Variants in MNAT1 observed in about 807,000 individuals in gnomAD.
MNAT1 encodes CDK-activating kinase assembly factor MAT1.
In MNAT1, 43 loss-of-function variants were observed where a neutral mutation model predicts 42.0. The ratio of observed to expected loss-of-function variants is 1.02; its 90% CI spans 0.80 to 1.32. The LOEUF (loss-of-function observed/expected upper bound fraction) is 1.32. MNAT1 is among the 40% of genes most tolerant of loss of function. MNAT1 has a pLI of 0.00. For missense variants in MNAT1, 306 were observed against 350.4 expected, an observed-to-expected ratio of 0.87 and a Z score of 1.01; for synonymous variants, 118 against 120.0, an observed-to-expected ratio of 0.98 and a Z score of 0.11.
chr14:60,852,362 A>G (rs2033846158), intron 6 of MNAT1, among the ~76,000 whole-genome samples: 1 of 151,564 alleles, frequency 6.6e-6, no homozygotes. Context: ...TCCTTTGCCC[A>G]CTTTTTGATG....
intron 5 of MNAT1, among the ~76,000 whole-genome samples, chr14:60,815,839 T>G (rs10131264): frequency 0.93 from 141,422 of 152,212 alleles, 66,181 homozygotes; most frequent in Non-Finnish European, 0.99. Flanking sequence ...CAGTTTGAAT[T>G]TCTGGTTTTC....
chr14:60,910,760 C>T (rs1402365832), intron 7 of MNAT1, among the ~76,000 whole-genome samples: 6 of 152,188 alleles, frequency 3.9e-5, no homozygotes, highest in Non-Finnish European at 1.5e-5. Flanking sequence ...CATCAATGTT[C>T]TCAAGGATAT....
chr14:60,895,101 G>C (rs773577005), intron 7 of MNAT1, among the ~76,000 whole-genome samples: 1 of 152,118 alleles, frequency 6.6e-6, no homozygotes, highest in Non-Finnish European at 1.5e-5. Context: ...TTAGTTATTA[G>C]AGCCAGGATT....
chr14:60,949,262 G>A (rs1474383572), intron 7 of MNAT1, among the ~76,000 whole-genome samples: 1 of 152,044 alleles, frequency 6.6e-6, no homozygotes, highest in African/African-American at 2.4e-5. Flanking sequence ...TCTCTCCAAA[G>A]CATGTTCTTG....
In MNAT1 at chr14:60,828,797, T is replaced by G. The variant is rs2033135430; in HGVS notation, c.687+9950T>G. 2.0e-5 allele frequency among the ~76,000 whole-genome samples: 3 copies of G among 152,212 alleles called. No homozygotes were observed. In the South Asian group the frequency reaches 6.2e-4, roughly 32 times the overall value. ...GATCCCTTCCTGTGGTTCAATTATT[T>G]GCTGGAGTGGCTCATGGAACTTTGG... is the stretch of plus-strand genomic sequence containing the variant. On this transcript the variant is annotated intron_variant, in intron 6 of 7. Transcript: ENST00000261245.
chr14:60,941,809 C>CCT (rs2036167176), intron 7 of MNAT1, among the ~76,000 whole-genome samples: 1 of 150,998 alleles, frequency 6.6e-6, no homozygotes, highest in Non-Finnish European at 1.5e-5. Flanking sequence ...TGGAGACCAT[C>CCT]GCAGCTAACA....
intron 6 of MNAT1, among the ~76,000 whole-genome samples, chr14:60,821,731 A>G (rs571847900): frequency 1.9e-4 from 29 of 152,154 alleles, no homozygotes; most frequent in African/African-American, 6.5e-4. Flanking sequence ...GCAATTGGCT[A>G]TTTTCCATGC....
At chr14:60,798,505 G>A (rs1363477694) in intron 3 of MNAT1, among the ~76,000 whole-genome samples, 1 of 152,034 alleles carries the variant, frequency 6.6e-6, no homozygotes, top group Non-Finnish European at 1.5e-5. Context: ...CAAAAATGGG[G>A]TTCCTATTAA....
At chr14:60,928,561 A>G (rs1179902233) in intron 7 of MNAT1, among the ~76,000 whole-genome samples, 2 of 152,112 alleles carry the variant, frequency 1.3e-5, no homozygotes, top group African/African-American at 4.8e-5. Flanking sequence ...AAAAATTGGT[A>G]TCTCATTAAT....
At chr14:60,791,933 T>C (rs1457654702) in intron 1 of MNAT1, among the ~76,000 whole-genome samples, 3 of 152,132 alleles carry the variant, frequency 2.0e-5, no homozygotes, top group Non-Finnish European at 4.4e-5. Flanking sequence ...TGGTGACGGT[T>C]AGGAAGGAGA....
chr14:60,745,698 G>A lies in MNAT1; in HGVS notation c.89+10747G>A, dbSNP rs188443377. ...TCCCACCTTGGTCTCCCAAAGTGCT[G>A]GGATTACAGGTGTGAGCTGTTGCGC... On this transcript the variant is annotated intron_variant, in intron 1 of 7. Transcript: ENST00000261245. Among the ~76,000 whole-genome samples the A allele has an allele frequency of 3.7e-4, 57 of 152,258 alleles. No homozygotes were observed. In the East Asian group the frequency reaches 9.1e-3, roughly 24 times the overall value.
intron 1 of MNAT1, among the ~76,000 whole-genome samples, chr14:60,763,146 G>A (rs1206315925): frequency 1.3e-5 from 2 of 152,126 alleles, no homozygotes; most frequent in Admixed American, 1.3e-4. Flanking sequence ...GTCATGCGTA[G>A]GGAGTTAATT....
chr14:60,865,191 A>T (rs1313715029), intron 6 of MNAT1, among the ~76,000 whole-genome samples: 3 of 152,070 alleles, frequency 2.0e-5, no homozygotes, highest in African/African-American at 7.2e-5. Flanking sequence ...TTTCACGGAA[A>T]AATATTTCTG....
At chr14:60,795,223 T>A (rs1358558747) in intron 1 of MNAT1, among the ~76,000 whole-genome samples, 1 of 152,158 alleles carries the variant, frequency 6.6e-6, no homozygotes, top group East Asian at 1.9e-4. Context: ...GCATGTTGAG[T>A]TGCCAGCAGC....
intron 7 of MNAT1, among the ~76,000 whole-genome samples, chr14:60,948,388 C>T (rs2036322246): frequency 6.6e-6 from 1 of 152,076 alleles, no homozygotes; most frequent in Admixed American, 6.6e-5. Context: ...TGGCACTGCA[C>T]ACCAGCCTGA....
rs1896262709 is a variant in MNAT1, at chr14:60,734,979, G to A, written c.89+28G>A. 1 of 1,606,746 alleles carries A rather than the reference G, an allele frequency of 6.2e-7. No homozygotes were observed. Among genetic ancestry groups the A allele is most frequent in the South Asian group, 1.1e-5 (1 of 90,934 alleles). ...GAGTTGGGCGGCAGTGGATTCCCTG[G>A]GGGAGAGACGCGCTGGGTGGGAGGA... On this transcript the variant is annotated intron_variant, in intron 1 of 7. Coordinates refer to ENST00000261245, the MANE Select transcript of MNAT1 (RefSeq NM_002431.4). This position sits in a 1 kb window ranked among gnomAD's most constrained non-coding sequence, Gnocchi z 4.3.
chr14:60,827,637 A>G (rs1157782742), intron 6 of MNAT1, among the ~76,000 whole-genome samples: 5 of 152,222 alleles, frequency 3.3e-5, no homozygotes, highest in African/African-American at 1.2e-4. Context: ...AATTTATTCT[A>G]TTTTTAATAT....
chr14:60,849,218 A>G (rs1025397474), intron 6 of MNAT1, among the ~76,000 whole-genome samples: 2 of 152,142 alleles, frequency 1.3e-5, no homozygotes, highest in Non-Finnish European at 2.9e-5. Context: ...ACAGCAAATC[A>G]CTCATGTAAT....
chr14:60,762,290 G>T (rs1184832019), intron 1 of MNAT1, among the ~76,000 whole-genome samples: 2 of 152,116 alleles, frequency 1.3e-5, no homozygotes, highest in Non-Finnish European at 2.9e-5. Context: ...TCAGCTTCAT[G>T]AAAAAATTTT....
Sources: allele counts gnomAD v4.1 joint callset (sites outside exome capture counted in the v4.1 genomes callset), GRCh38; gene constraint gnomAD v4.1.1; non-coding constraint Gnocchi (gnomAD v3.1); transcripts MANE v1.5; gene names NCBI Gene and HGNC (gene_info 2026-07-23, HGNC 2026-07-21).